The following MECOM variants were observed in gnomAD, a reference collection of about 807,000 sequenced individuals.
MECOM encodes histone-lysine N-methyltransferase MECOM.
In MECOM, 13 loss-of-function variants were observed where a neutral mutation model predicts 116.3. The observed-to-expected ratio is 0.11, with a 90% CI of 0.07 to 0.18. The LOEUF (loss-of-function observed/expected upper bound fraction) is 0.18. Among genes scored for constraint, MECOM ranks in the 10% least tolerant of loss-of-function variants. MECOM has a pLI of 1.00. For missense variants in MECOM, 1,299 were observed against 1,509.0 expected (o/e 0.86, Z 2.31); for synonymous variants, 528 against 535.2 (o/e 0.99, Z 0.19).
chr3:169,572,197 TC>T lies in MECOM; in HGVS notation c.37+91138del, dbSNP rs1338295762. ...TGGATGAATGATATGAACAGACATTTCTCAAAAGAAGACATTTATGCAGCCA... is the reference window on the plus strand; with the variant it reads ...TGGATGAATGATATGAACAGACATTTTCAAAAGAAGACATTTATGCAGCCA... On this transcript the variant is annotated intron_variant, in intron 1 of 16. Transcript: ENST00000651503. Among the ~76,000 whole-genome samples the T allele has an allele frequency of 2.6e-5, 4 of 152,228 alleles. No homozygotes were observed. In the East Asian group the frequency reaches 7.7e-4, roughly 29 times the overall value.
chr3:169,110,796 C>T (rs535521535), intron 9 of MECOM, among the ~76,000 whole-genome samples: 6 of 152,270 alleles, frequency 3.9e-5, no homozygotes, highest in Non-Finnish European at 8.8e-5. Flanking sequence ...TAGCAACATG[C>T]AGCAATAGGG....
chr3:169,102,676 A>T (rs1199912920), intron 10 of MECOM, among the ~76,000 whole-genome samples: 1 of 152,172 alleles, frequency 6.6e-6, no homozygotes, highest in Non-Finnish European at 1.5e-5. Flanking sequence ...AACTGAAAGC[A>T]TGGGAGAACA....
At chr3:169,312,292 A>G (rs1718932120) in intron 2 of MECOM, among the ~76,000 whole-genome samples, 1 of 152,126 alleles carries the variant, frequency 6.6e-6, no homozygotes, top group Non-Finnish European at 1.5e-5. Context: ...TATTTTTAAT[A>G]AATAAATTGA....
chr3:169,265,914 G>C (rs1329152741), intron 2 of MECOM, among the ~76,000 whole-genome samples: 1 of 152,074 alleles, frequency 6.6e-6, no homozygotes, highest in Non-Finnish European at 1.5e-5. Flanking sequence ...CTTTACTCAG[G>C]GGACAGAGTA....
chr3:169,529,446 C>T (rs1758331103), intron 1 of MECOM, among the ~76,000 whole-genome samples: 1 of 152,160 alleles, frequency 6.6e-6, no homozygotes, highest in Non-Finnish European at 1.5e-5. Context: ...AACAACTCTC[C>T]CGTTTAGCTT....
At chr3:169,171,972 G>T (rs1577244774) in intron 2 of MECOM, among the ~76,000 whole-genome samples, 4 of 151,952 alleles carry the variant, frequency 2.6e-5, no homozygotes, top group Non-Finnish European at 5.9e-5. Flanking sequence ...ACATTCAATG[G>T]GTTCTATCCA....
chr3:169,475,355 T>C (rs1485131775), intron 1 of MECOM, among the ~76,000 whole-genome samples: 2 of 152,028 alleles, frequency 1.3e-5, no homozygotes, highest in African/African-American at 4.8e-5. Flanking sequence ...ATCAAGACGG[T>C]TGAAGTGTTT....
intron 3 of MECOM, chr3:169,133,211 T>C (rs1735331211): frequency 6.6e-6 from 1 of 152,234 alleles, no homozygotes; most frequent in South Asian, 2.1e-4. Context: ...CTGTTAACTA[T>C]GGTTTTTTGC....
At chr3:169,643,067 T>C (rs1773703941) in intron 1 of MECOM, among the ~76,000 whole-genome samples, 1 of 152,218 alleles carries the variant, frequency 6.6e-6, no homozygotes, top group South Asian at 2.1e-4. Context: ...AAATGGTTAC[T>C]GCAACTGGTC....
intron 2 of MECOM, among the ~76,000 whole-genome samples, chr3:169,360,290 T>TAAAAAAAAAAAAAAA (rs1203615730): frequency 3.4e-5 from 1 of 29,538 alleles, no homozygotes; most frequent in African/African-American, 8.7e-5. Context: ...TAAAGTATAA[T>TAAAAAAAAAAAAAAA]AAAAAAAAAA....
Position 169,576,834 on chromosome 3 carries a change from C to CAGAGAG in MECOM, c.37+86501_37+86502insCTCTCT, listed in dbSNP as rs1279290609. Among the ~76,000 whole-genome samples the CAGAGAG allele has an allele frequency of 7.1e-3, 652 of 92,042 alleles. 1 individual carries two copies. The highest frequency in any genetic ancestry group is 0.013 in the African/African-American group (351 of 27,508). The allele number at this position is 92,042 out of a possible 152,430, so 60.4% of individuals were successfully genotyped here. On this transcript the variant is annotated intron_variant, in intron 1 of 16. Coordinates refer to ENST00000651503, the MANE Select transcript of MECOM (RefSeq NM_004991.4). ...ACACACACACACACACACACACACA[C>CAGAGAG]ACACAGAGAGAGAGAGAGAGAGTTA... is the stretch of plus-strand genomic sequence containing the variant.
chr3:169,566,714 A>T (rs1763289182), intron 1 of MECOM, among the ~76,000 whole-genome samples: 1 of 152,172 alleles, frequency 6.6e-6, no homozygotes, highest in South Asian at 2.1e-4. Context: ...AGCCCAAGCC[A>T]CACAATAGTG....
chr3:169,083,920 C>A lies in MECOM; in HGVS notation c.*989G>T, dbSNP rs1405622395. 1 of 224,088 alleles carries A rather than the reference C, an allele frequency of 4.5e-6. No homozygotes were observed. The highest frequency in any genetic ancestry group is 8.9e-6 in the Non-Finnish European group (1 of 112,490). 13.9% of individuals were successfully genotyped at this position (224,088 alleles called of 1,614,324 possible). On this transcript the variant is annotated 3_prime_UTR_variant, in exon 17 of 17. Transcript: ENST00000651503. ...AAGTTGCATCTATTCGTATTTAGTT[C>A]ATTAAGAAGGAAAACAAAACAAACA...
At chr3:169,087,479 C>G (rs6777161) in intron 16 of MECOM, among the ~76,000 whole-genome samples, 14,770 of 151,966 alleles carry the variant, frequency 0.097, 1,657 homozygotes, top group African/African-American at 0.27. Flanking sequence ...TGTCAATAGT[C>G]CCGGTTATCC....
intron 1 of MECOM, among the ~76,000 whole-genome samples, chr3:169,397,290 C>T (rs370483185): frequency 1.3e-5 from 2 of 152,168 alleles, no homozygotes; most frequent in East Asian, 1.9e-4. Flanking sequence ...GTTTCTGTGA[C>T]GATGCAGGAA....
chr3:169,612,422 G>A (rs1321798317), intron 1 of MECOM, among the ~76,000 whole-genome samples: 2 of 152,108 alleles, frequency 1.3e-5, no homozygotes, highest in African/African-American at 4.8e-5. Context: ...CTCACTTTTG[G>A]CAAAAACATC....
In MECOM at chr3:169,541,711, G is replaced by A. The variant is rs372401212; in HGVS notation, c.37+121625C>T. ...TTCAAGCCGTCCTACCTCACTGAGC[G>A]AGGCCTTGGCACTGGCTCTGCTGCA... On this transcript the variant is annotated intron_variant, in intron 1 of 16. Transcript: ENST00000651503. Among the ~76,000 whole-genome samples, 22 of 152,262 alleles carry A rather than the reference G, an allele frequency of 1.4e-4. No homozygotes were observed. In the South Asian group the frequency reaches 2.1e-3, roughly 14 times the overall value.
At chr3:169,579,572 T>C (rs1298058254) in intron 1 of MECOM, among the ~76,000 whole-genome samples, 1 of 152,204 alleles carries the variant, frequency 6.6e-6, no homozygotes, top group African/African-American at 2.4e-5. Flanking sequence ...TATGATGCTT[T>C]ACCACTGGGA....
intron 1 of MECOM, among the ~76,000 whole-genome samples, chr3:169,546,203 C>G (rs1297701794): frequency 6.6e-6 from 1 of 152,136 alleles, no homozygotes; most frequent in Non-Finnish European, 1.5e-5. Context: ...GTATCTTACT[C>G]TATATATGCT....
Sources: gnomAD v4.1 joint callset for allele counts (sites outside exome capture counted in the v4.1 genomes callset) on GRCh38, gnomAD v4.1.1 for gene constraint, MANE v1.5 for transcripts, NCBI Gene and HGNC (gene_info 2026-07-23, HGNC 2026-07-21) for gene names.